The following CSMD2 variants were observed in gnomAD, a reference collection of about 807,000 sequenced individuals.
CSMD2 encodes CUB and sushi domain-containing protein 2.
CSMD2 carries 130 observed loss-of-function variants against 398.5 expected under a neutral mutation model. The observed-to-expected ratio is 0.33, with a 90% CI of 0.28 to 0.38. CSMD2 has a LOEUF of 0.38. Ranked by LOEUF, CSMD2 falls within the 10% of genes least tolerant of loss-of-function variation. CSMD2 has a pLI of 1.00. For synonymous variants in CSMD2, 1,828 were observed against 1,908.5 expected, an observed-to-expected ratio of 0.96 and a Z score of 1.10; for missense variants, 3,829 against 4,764.9, an observed-to-expected ratio of 0.80 and a Z score of 5.78.
intron 3 of CSMD2, among the ~76,000 whole-genome samples, chr1:33,962,820 T>C (rs1289712969): frequency 6.6e-6 from 1 of 152,194 alleles, no homozygotes; most frequent in Non-Finnish European, 1.5e-5. Flanking sequence ...GACCCATCTC[T>C]CCCCACCTCT....
intron 24 of CSMD2, among the ~76,000 whole-genome samples, chr1:33,695,713 C>T (rs1645400050): frequency 6.6e-6 from 1 of 152,232 alleles, no homozygotes; most frequent in East Asian, 1.9e-4. Flanking sequence ...TCACTGCTTG[C>T]ATTCACTCCC....
intron 25 of CSMD2, among the ~76,000 whole-genome samples, chr1:33,664,696 G>A (rs1313823944): frequency 6.6e-6 from 1 of 152,084 alleles, no homozygotes; most frequent in Non-Finnish European, 1.5e-5. Flanking sequence ...CCAGCTACTT[G>A]GGAGGCTGAG....
chr1:34,100,686 G>A (rs941898067), intron 1 of CSMD2, among the ~76,000 whole-genome samples: 7 of 152,146 alleles, frequency 4.6e-5, no homozygotes, highest in Admixed American at 3.9e-4. Context: ...ACGTTTCAGT[G>A]TATGGTTATA....
At chr1:33,915,600 G>T (rs1307814603) in intron 5 of CSMD2, among the ~76,000 whole-genome samples, 3 of 152,200 alleles carry the variant, frequency 2.0e-5, no homozygotes, top group Admixed American at 1.3e-4. Flanking sequence ...TGGACAACGT[G>T]TAGACTCACA....
At chr1:33,691,272 G>A (rs184275287) in intron 25 of CSMD2, among the ~76,000 whole-genome samples, 6 of 152,314 alleles carry the variant, frequency 3.9e-5, no homozygotes, top group Admixed American at 2.0e-4. Flanking sequence ...TTCTGTGAGC[G>A]TGGGGTGGCC....
chr1:33,651,060 G>A (rs188577537), intron 28 of CSMD2, among the ~76,000 whole-genome samples: 63 of 152,322 alleles, frequency 4.1e-4, no homozygotes, highest in Non-Finnish European at 6.3e-4. Context: ...ATGTTAAAAT[G>A]GAAAGTAGGG....
At chr1:33,562,093 T>C (rs545274773) in intron 53 of CSMD2, among the ~76,000 whole-genome samples, 1 of 152,168 alleles carries the variant, frequency 6.6e-6, no homozygotes, top group South Asian at 2.1e-4. Flanking sequence ...GGGGTAGTTG[T>C]CACAGAGCCA....
At chr1:33,714,550 C>T in intron 21 of CSMD2, 37 bp downstream of exon 21, 1 of 1,606,078 alleles carries the variant, frequency 6.2e-7, no homozygotes, top group Non-Finnish European at 8.5e-7. Flanking sequence ...TGTCCCACCC[C>T]ATTAGTGAAG....
chr1:33,825,034 GT>G (rs1331731965), intron 7 of CSMD2, among the ~76,000 whole-genome samples: 3 of 152,140 alleles, frequency 2.0e-5, no homozygotes, highest in Non-Finnish European at 4.4e-5. Context: ...CCCTGATCAG[GT>G]GTTTCTGGGA....
At chr1:33,565,531 T>C (rs1461352125) in intron 53 of CSMD2, among the ~76,000 whole-genome samples, 1 of 150,124 alleles carries the variant, frequency 6.7e-6, no homozygotes, top group Non-Finnish European at 1.5e-5. Context: ...GTAAAAACAA[T>C]CAGAGAGAAA....
rs76773711 is a variant in CSMD2, at chr1:33,590,907, C to T, written c.6857-3739G>A. Among the ~76,000 whole-genome samples the T allele has an allele frequency of 5.7e-3, 862 of 150,826 alleles. 13 individuals are homozygous for T. Among genetic ancestry groups the T allele is most frequent in the African/African-American group, 0.019 (793 of 41,070 alleles). On this transcript the variant is annotated intron_variant, in intron 44 of 70. Transcript: ENST00000373381. ...AGCCATTGTGAGCAATGGTCCCTGT[C>T]GTCTTCCTGGGAATGTTATTCCTCA...
rs1429383228 is a variant in CSMD2 at position 33,533,897 on chromosome 1, G to A, written c.9890C>T (p.Thr3297Ile). Residue 3297 changes from threonine (T) to isoleucine (I), a missense_variant, in exon 63 of 71, where the codon ACA becomes ATA. This residue lies in a region of CSMD2 where 917 missense variants were observed against 1,199.5 expected (regional missense o/e 0.76). Transcript: ENST00000373381. This position sits in a 1 kb window ranked among gnomAD's most constrained non-coding sequence, Gnocchi z 4.2. ...GCCTTTTTGACAACGGAAGAGGACT[G>A]TGCTTCCAACCTGCGGCAAGATACA... ...NNSQGYQVGS[T>I]VLFRCQKGYL... 6.2e-7 allele frequency: 1 copy of A among 1,611,594 alleles called. No individual in the cohort carries two copies.
chr1:33,617,038 A>C, intron 38 of CSMD2, 63 bp from the exon 39 acceptor site: 4 of 1,334,582 alleles, frequency 3.0e-6, no homozygotes, highest in Non-Finnish European at 4.3e-6. Context: ...ATGTACAACC[A>C]GGGGCTGTAC....
intron 2 of CSMD2, among the ~76,000 whole-genome samples, chr1:34,086,256 A>T (rs143899006): frequency 6.6e-6 from 1 of 152,282 alleles, no homozygotes; most frequent in East Asian, 1.9e-4. Flanking sequence ...TGCCCCATAG[A>T]TGGTGTCACA....
At position 34,151,093 on chromosome 1, in the gene CSMD2, C is replaced by T. The variant is rs575655604; in HGVS notation, c.187+13818G>A. Among the ~76,000 whole-genome samples, 253 of 152,306 alleles carry T rather than the reference C, an allele frequency of 1.7e-3. 2 individuals are homozygous for T. The highest frequency in any genetic ancestry group is 0.014 in the Middle Eastern group (4 of 294). ...CTACCTGCAAATTGCTCTCCTTCAACCGAATCCCTGCTCACTTTTGAAGAG... is the reference window on the plus strand; with the variant it reads ...CTACCTGCAAATTGCTCTCCTTCAATCGAATCCCTGCTCACTTTTGAAGAG... On this transcript the variant is annotated intron_variant, in intron 1 of 70. Transcript: ENST00000373381.
chr1:33,640,989 T>A (rs1643073374), intron 29 of CSMD2, among the ~76,000 whole-genome samples: 2 of 152,174 alleles, frequency 1.3e-5, no homozygotes, highest in African/African-American at 2.4e-5. Flanking sequence ...TGGTCTTTCC[T>A]GTGTTCTTTC....
At chr1:33,921,543 A>G (rs939570099) in intron 4 of CSMD2, among the ~76,000 whole-genome samples, 10 of 152,216 alleles carry the variant, frequency 6.6e-5, no homozygotes, top group African/African-American at 1.9e-4. Context: ...CTGAGTCTTG[A>G]CTGTACTGGG....
intron 41 of CSMD2, chr1:33,605,796 A>G (rs1640556368): frequency 7.8e-7 from 1 of 1,286,288 alleles, no homozygotes; most frequent in Non-Finnish European, 1.1e-6. Flanking sequence ...TTGAACCTCT[A>G]TTCACTGAGT....
At chr1:34,076,528 A>C (rs1402381323) in intron 2 of CSMD2, among the ~76,000 whole-genome samples, 1 of 152,142 alleles carries the variant, frequency 6.6e-6, no homozygotes, top group East Asian at 1.9e-4. Context: ...GACAACCACA[A>C]ATTTCTCCAG....
Sources: gnomAD v4.1 joint callset for allele counts (sites outside exome capture counted in the v4.1 genomes callset) on GRCh38, gnomAD v4.1.1 for gene constraint, gnomAD v4.1.1 regional missense constraint, Gnocchi (gnomAD v3.1) non-coding constraint, MANE v1.5 for transcripts, NCBI Gene and HGNC (gene_info 2026-07-23, HGNC 2026-07-21) for gene names.